Variants in FRMPD2 observed in about 807,000 individuals in gnomAD.
FRMPD2 encodes the protein FERM and PDZ domain-containing protein 2.
A neutral mutation model predicts 140.1 loss-of-function variants in FRMPD2; 96 were observed. The observed-to-expected ratio is 0.69, with a 90% CI of 0.58 to 0.81. FRMPD2 has a LOEUF of 0.81. Ranked by LOEUF, FRMPD2 falls within the 40% of genes least tolerant of loss-of-function variation. FRMPD2 has a pLI of 0.00. For synonymous variants in FRMPD2, 449 were observed against 547.6 expected (o/e 0.82, Z 2.52); for missense variants, 1,240 against 1,447.4 (o/e 0.86, Z 2.32).
intron 16 of FRMPD2, among the ~76,000 whole-genome samples, chr10:48,188,679 A>C (rs1247460748): frequency 1.3e-5 from 2 of 152,204 alleles, no homozygotes; most frequent in African/African-American, 4.8e-5. Context: ...AAATCCCCAC[A>C]GTCTGGGAGG....
chr10:48,162,010 T>C (rs1489065019), intron 28 of FRMPD2, among the ~76,000 whole-genome samples: 2 of 150,480 alleles, frequency 1.3e-5, no homozygotes, highest in Non-Finnish European at 3.0e-5. Context: ...AACCTTTCAA[T>C]ATCCAAACAA....
intron 13 of FRMPD2, among the ~76,000 whole-genome samples, chr10:48,208,014 G>A (rs17769978): frequency 0.16 from 23,995 of 151,952 alleles, 2,342 homozygotes; most frequent in Non-Finnish European, 0.22. Context: ...AGCCTCCTTC[G>A]TTTAACTTTG....
chr10:48,268,867 TTAGG>T (rs1315804462), intron 1 of FRMPD2, among the ~76,000 whole-genome samples: 1 of 152,174 alleles, frequency 6.6e-6, no homozygotes, highest in Non-Finnish European at 1.5e-5. Flanking sequence ...TGTGCTGTAG[TTAGG>T]TAAGATATAA....
chr10:48,240,635 C>T, intron 5 of FRMPD2, 143 bp from the exon 6 acceptor site: 1 of 1,167,636 alleles, frequency 8.6e-7, no homozygotes, highest in Non-Finnish European at 1.2e-6. Flanking sequence ...CTCTGGCACC[C>T]AGAATGTGCT....
chr10:48,207,771 T>C (rs1353570520), intron 13 of FRMPD2, among the ~76,000 whole-genome samples: 1 of 152,164 alleles, frequency 6.6e-6, no homozygotes, highest in Non-Finnish European at 1.5e-5. Context: ...AGAAGGGTTG[T>C]ATTGCTGAAA....
At chr10:48,188,927 G>T (rs952319810) in intron 16 of FRMPD2, among the ~76,000 whole-genome samples, 1 of 152,196 alleles carries the variant, frequency 6.6e-6, no homozygotes, top group East Asian at 1.9e-4. Flanking sequence ...GCGGCCAGGG[G>T]CTAGGTGGGT....
Position 48,201,363 on chromosome 10 carries a change from T to C in FRMPD2, c.1819A>G (p.Ser607Gly). 6.2e-7 allele frequency: 1 copy of C among 1,613,694 alleles called. No homozygotes were observed. Among genetic ancestry groups the C allele is most frequent in the Non-Finnish European group, 8.5e-7 (1 of 1,179,718 alleles). ...STYQKKFTIT[S>G]SVTGKKHTFV... is the part of the protein sequence containing the mutation. Reference sequence around the variant, plus strand: ...GTGTGCTTCTTCCCAGTGACACTGCTTGTGATGGTGAACTTTTTTTGCTGA... The same window carrying C: ...GTGTGCTTCTTCCCAGTGACACTGCCTGTGATGGTGAACTTTTTTTGCTGA... The change falls in exon 15 of 29, where the codon AGC (serine) becomes GGC (glycine). Residue 607 changes from serine to glycine, a missense_variant. By Grantham distance (56) the Ser-to-Gly change is moderately conservative. This residue lies in a region of FRMPD2 where 1,161 missense variants were observed against 1,055.9 expected (regional missense o/e 1.10). Coordinates refer to ENST00000374201, the MANE Select transcript of FRMPD2 (RefSeq NM_001018071.4).
intron 20 of FRMPD2, among the ~76,000 whole-genome samples, 192 bp from the exon 21 acceptor site, chr10:48,181,200 T>C (rs1185138766): frequency 3.3e-5 from 5 of 152,210 alleles, no homozygotes; most frequent in African/African-American, 1.2e-4. Context: ...ACATGGGATT[T>C]AGAAACCTAG....
chr10:48,199,030 G>A (rs1331127688), intron 15 of FRMPD2, among the ~76,000 whole-genome samples: 1 of 152,152 alleles, frequency 6.6e-6, no homozygotes, highest in African/African-American at 2.4e-5. Flanking sequence ...ATAAGCAGGA[G>A]CTAAACATTG....
At chr10:48,242,415 C>T (rs912831416) in intron 4 of FRMPD2, 63 bp from the exon 5 acceptor site, 57 of 1,457,454 alleles carry the variant, frequency 3.9e-5, no homozygotes, top group Non-Finnish European at 5.2e-5. Flanking sequence ...GAGGCCAGCA[C>T]CTTGTCAGGC....
intron 16 of FRMPD2, among the ~76,000 whole-genome samples, chr10:48,191,883 GT>G (rs1264435259): frequency 6.6e-6 from 1 of 152,178 alleles, no homozygotes; most frequent in East Asian, 1.9e-4. Context: ...AATAGGAAAG[GT>G]AGCGTGGTGT....
chr10:48,266,689 A>C (rs1840683880), intron 1 of FRMPD2, among the ~76,000 whole-genome samples: 1 of 152,256 alleles, frequency 6.6e-6, no homozygotes, highest in African/African-American at 2.4e-5. Flanking sequence ...CCACACAGTC[A>C]GTTCAGAGAA....
chr10:48,219,897 A>G (rs1839541390), intron 12 of FRMPD2, among the ~76,000 whole-genome samples: 1 of 152,198 alleles, frequency 6.6e-6, no homozygotes, highest in African/African-American at 2.4e-5. Flanking sequence ...AAAAATCAGT[A>G]TTGGCCTTGG....
At position 48,184,663 on chromosome 10, in the gene FRMPD2, C is replaced by T. The variant is rs115484322; in HGVS notation, c.2487G>A (p.Leu829=). 8,830 of 1,612,490 alleles carry T rather than the reference C, an allele frequency of 5.5e-3. 42 individuals carry two copies. Among genetic ancestry groups the T allele is most frequent in the Non-Finnish European group, 5.4e-3 (6,383 of 1,178,542 alleles). The change falls in exon 20 of 29, where the codon CTG becomes CTA. Residue 829 remains leucine (L), a synonymous_variant. Transcript: ENST00000374201. ...TGAAGCCCTCCAGACTGATGTGATT[C>T]AGGGCTAGTATCTGCCCTCCTAGAA... The part of the protein sequence containing the change: ...TIKPGGQILA[L]NHISLEGFTF...
intron 15 of FRMPD2, among the ~76,000 whole-genome samples, chr10:48,195,360 T>C (rs1284541472): frequency 1.3e-5 from 2 of 152,204 alleles, no homozygotes; most frequent in Non-Finnish European, 2.9e-5. Context: ...AACTATAAAG[T>C]AATATGCTTA....
chr10:48,232,037 G>T, intron 10 of FRMPD2, 78 bp downstream of exon 10: 1 of 1,368,778 alleles, frequency 7.3e-7, no homozygotes, highest in Non-Finnish European at 1.0e-6. Flanking sequence ...TTTCCCAGAA[G>T]AAACAGAGCT....
chr10:48,251,558 T>A lies in FRMPD2; in HGVS notation c.151+8A>T, dbSNP rs983888418. ...CTGTGATTTGACTGCCCCCAAACAC[T>A]CTCTTACCGTTGCGGAGGTCTTCCA... On this transcript the variant is annotated splice_region_variant and intron_variant, in intron 2 of 28. Transcript: ENST00000374201. 16 of 1,586,698 alleles carry A rather than the reference T, an allele frequency of 1.0e-5. No homozygotes were observed. The highest frequency in any genetic ancestry group is 3.8e-5 in the African/African-American group (2 of 52,932).
intron 1 of FRMPD2, among the ~76,000 whole-genome samples, chr10:48,273,087 A>G (rs1840796856): frequency 6.6e-6 from 1 of 152,170 alleles, no homozygotes; most frequent in Non-Finnish European, 1.5e-5. Flanking sequence ...TACATCCTTC[A>G]TATCAGTAAA....
chr10:48,253,153 C>G (rs1176954609), intron 1 of FRMPD2, among the ~76,000 whole-genome samples: 1 of 152,132 alleles, frequency 6.6e-6, no homozygotes, highest in East Asian at 1.9e-4. Flanking sequence ...CATTAAAAGT[C>G]TTCTAGGCTG....
Sources: gnomAD v4.1 joint callset for allele counts (sites outside exome capture counted in the v4.1 genomes callset) on GRCh38, gnomAD v4.1.1 for gene constraint, gnomAD v4.1.1 regional missense constraint, MANE v1.5 for transcripts, NCBI Gene and HGNC (gene_info 2026-07-23, HGNC 2026-07-21) for gene names.